Variants in MAGI1 observed in about 807,000 individuals in gnomAD.
The protein encoded by MAGI1 is membrane-associated guanylate kinase, WW and PDZ domain-containing protein 1.
In MAGI1, 58 loss-of-function variants were observed where a neutral mutation model predicts 139.9. That is an observed-to-expected ratio of 0.41 (90% CI 0.34 to 0.52). The LOEUF (loss-of-function observed/expected upper bound fraction) is 0.52, where lower values mean the gene tolerates loss of function less well. Ranked by LOEUF, MAGI1 falls within the 20% of genes least tolerant of loss-of-function variation. The pLI is 0.12. For synonymous variants in MAGI1, 812 were observed against 737.9 expected, an observed-to-expected ratio of 1.10 and a Z score of -1.63; for missense variants, 1,874 against 1,901.6, an observed-to-expected ratio of 0.99 and a Z score of 0.27.
chr3:65,657,789 A>G (rs1348105329), intron 1 of MAGI1, among the ~76,000 whole-genome samples: 8 of 152,202 alleles, frequency 5.3e-5, no homozygotes, highest in Admixed American at 5.2e-4. Flanking sequence ...ACCTTGCATG[A>G]TGACCCCCAG....
intron 1 of MAGI1, among the ~76,000 whole-genome samples, chr3:65,764,977 A>G (rs2372192): frequency 0.36 from 54,283 of 151,936 alleles, 10,618 homozygotes; most frequent in Admixed American, 0.49. Context: ...AGATGGCAGA[A>G]AAATGGATAC....
Position 65,437,159 on chromosome 3 carries a change from A to C in MAGI1, c.1359T>G (p.Leu453=). Residue 453 remains leucine (L), a synonymous_variant, in exon 10 of 23, where the codon CTT becomes CTG. Transcript: ENST00000402939. ...TTAGAAAGACAAGTACTTTACCCTGAAGTGGAACTTCTCTGGCTGGCTCTG... is the reference window on the plus strand; with the variant it reads ...TTAGAAAGACAAGTACTTTACCCTGCAGTGGAACTTCTCTGGCTGGCTCTG... The part of the protein sequence containing the change: ...SNPEPAREVP[L]QGKPFFTRNP... 6.3e-7 allele frequency: 1 copy of C among 1,599,306 alleles called. No individual in the cohort carries two copies. The highest frequency in any genetic ancestry group is 8.6e-7 in the Non-Finnish European group (1 of 1,167,544).
chr3:65,746,355 T>A (rs2035708393), intron 1 of MAGI1, among the ~76,000 whole-genome samples: 1 of 152,316 alleles, frequency 6.6e-6, no homozygotes, highest in South Asian at 2.1e-4. Context: ...ATTCAATGCA[T>A]ATTTTTCCCT....
intron 2 of MAGI1, among the ~76,000 whole-genome samples, chr3:65,552,264 GTGT>G (rs2079876067): frequency 1.0e-5 from 1 of 97,474 alleles, no homozygotes; most frequent in Non-Finnish European, 2.5e-5. Context: ...ATAGGGGTGT[GTGT>G]GTGTGTGTGT....
chr3:65,686,321 G>T (rs957813214), intron 1 of MAGI1, among the ~76,000 whole-genome samples: 6 of 151,990 alleles, frequency 3.9e-5, no homozygotes, highest in Non-Finnish European at 8.8e-5. Context: ...TTTTGGCAGA[G>T]ACTCGGTGTC....
At chr3:65,837,555 G>C (rs72907587) in intron 1 of MAGI1, among the ~76,000 whole-genome samples, 2 of 152,110 alleles carry the variant, frequency 1.3e-5, no homozygotes, top group Admixed American at 1.3e-4. Flanking sequence ...AATATGCCAC[G>C]ACCCCACCCA....
At chr3:65,987,027 T>A (rs948458130) in intron 1 of MAGI1, among the ~76,000 whole-genome samples, 4 of 152,094 alleles carry the variant, frequency 2.6e-5, no homozygotes, top group African/African-American at 9.7e-5. Flanking sequence ...TACGCCACCA[T>A]GTTCGGCTAA....
chr3:65,823,888 T>C (rs150563274), intron 1 of MAGI1, among the ~76,000 whole-genome samples: 4,269 of 152,286 alleles, frequency 0.028, 102 homozygotes, highest in Middle Eastern at 0.044. Context: ...TGAGAGGTCA[T>C]AGTGCACACT....
chr3:65,659,843 G>A (rs2086094016), intron 1 of MAGI1, among the ~76,000 whole-genome samples: 1 of 152,062 alleles, frequency 6.6e-6, no homozygotes, highest in Non-Finnish European at 1.5e-5. Context: ...CAGTGATGTT[G>A]GCCTGGGTTC....
intron 1 of MAGI1, among the ~76,000 whole-genome samples, chr3:65,970,870 A>T (rs941192831): frequency 1.3e-5 from 2 of 152,206 alleles, no homozygotes; most frequent in African/African-American, 4.8e-5. Context: ...GTGGCTAAGG[A>T]TCAGCTGCAT....
intron 1 of MAGI1, among the ~76,000 whole-genome samples, chr3:65,836,679 C>A (rs1397938393): frequency 1.3e-5 from 2 of 151,888 alleles, no homozygotes; most frequent in African/African-American, 4.8e-5. Flanking sequence ...ATTAGCTGGG[C>A]GTGGTGGTGG....
rs571718583 is a variant in MAGI1 at position 65,574,258 on chromosome 3, C to T, written c.430+47714G>A. Among the ~76,000 whole-genome samples the T allele has an allele frequency of 3.3e-3, 499 of 150,124 alleles. 4 individuals are homozygous for T. Among genetic ancestry groups the T allele is most frequent in the African/African-American group, 9.2e-3 (378 of 40,920 alleles). ...ATATATATGTATATATATATACATACATATATGTAAACTGCTTGCCATGGG... is the reference window on the plus strand; with the variant it reads ...ATATATATGTATATATATATACATATATATATGTAAACTGCTTGCCATGGG... On this transcript the variant is annotated intron_variant, in intron 2 of 22. Transcript: ENST00000402939.
At chr3:65,511,809 T>C (rs1408861621) in intron 2 of MAGI1, among the ~76,000 whole-genome samples, 1 of 138,690 alleles carries the variant, frequency 7.2e-6, no homozygotes, top group Non-Finnish European at 1.6e-5. Context: ...GTGGACCTAA[T>C]AGACATCTAC....
chr3:65,807,987 C>A lies in MAGI1; in HGVS notation c.314-185899G>T, dbSNP rs553506065. ...ATCCAGCACTTTGAGAGGCTAAGTTCGGCGGATCACTTGAGGTCAGGACTT... is the reference window on the plus strand; with the variant it reads ...ATCCAGCACTTTGAGAGGCTAAGTTAGGCGGATCACTTGAGGTCAGGACTT... On this transcript the variant is annotated intron_variant, in intron 1 of 22. Transcript: ENST00000402939. Among the ~76,000 whole-genome samples the A allele has an allele frequency of 1.1e-4, 17 of 150,568 alleles. 1 individual carries two copies. Among genetic ancestry groups the A allele is most frequent in the Non-Finnish European group, 2.9e-5 (2 of 67,842 alleles).
intron 1 of MAGI1, among the ~76,000 whole-genome samples, chr3:65,830,472 T>C (rs17073915): frequency 0.09 from 13,650 of 152,166 alleles, 843 homozygotes; most frequent in South Asian, 0.27. Context: ...ACAGCTCTCA[T>C]GCAAAACACA....
At chr3:65,748,064 C>T (rs565158274) in intron 1 of MAGI1, among the ~76,000 whole-genome samples, 50 of 152,116 alleles carry the variant, frequency 3.3e-4, no homozygotes, top group Admixed American at 5.2e-4. Flanking sequence ...CTCCTCTCTC[C>T]GAAACTGATG....
chr3:65,906,825 G>C (rs370331660), intron 1 of MAGI1, among the ~76,000 whole-genome samples: 7 of 151,228 alleles, frequency 4.6e-5, no homozygotes, highest in Non-Finnish European at 1.0e-4. Context: ...GGTGGAGGTT[G>C]CAGTGAGCCA....
At chr3:65,867,607 C>T (rs962014078) in intron 1 of MAGI1, among the ~76,000 whole-genome samples, 3 of 152,088 alleles carry the variant, frequency 2.0e-5, no homozygotes, top group East Asian at 1.9e-4. Flanking sequence ...TAGTGGCCCA[C>T]GCCTAAAGTC....
chr3:65,737,543 T>A (rs1226784776), intron 1 of MAGI1, among the ~76,000 whole-genome samples: 1 of 152,174 alleles, frequency 6.6e-6, no homozygotes. Context: ...TAATGTAACA[T>A]TGTTCCAATA....
Sources: allele counts gnomAD v4.1 joint callset (sites outside exome capture counted in the v4.1 genomes callset), GRCh38; gene constraint gnomAD v4.1.1; transcripts MANE v1.5; gene names NCBI Gene and HGNC (gene_info 2026-07-23, HGNC 2026-07-21).